The following SIPA1L1 variants were observed in gnomAD, a reference collection of about 807,000 sequenced individuals.
SIPA1L1 encodes the protein signal induced proliferation associated 1 like 1.
SIPA1L1 carries 26 observed loss-of-function variants against 162.7 expected under a neutral mutation model. The ratio of observed to expected loss-of-function variants is 0.16; its 90% CI spans 0.12 to 0.22. The LOEUF (loss-of-function observed/expected upper bound fraction) is 0.22, where lower values mean the gene tolerates loss of function less well. Ranked by LOEUF, SIPA1L1 falls within the 10% of genes least tolerant of loss-of-function variation. The probability of loss-of-function intolerance (pLI) is 1.00; values close to 1 mark genes in which losing one functional copy is unlikely to be tolerated. For missense variants in SIPA1L1, 1,874 were observed against 2,241.0 expected, an observed-to-expected ratio of 0.84 and a Z score of 3.31; for synonymous variants, 829 against 837.4, an observed-to-expected ratio of 0.99 and a Z score of 0.17.
intron 2 of SIPA1L1, among the ~76,000 whole-genome samples, chr14:71,406,013 G>A (rs1389192651): frequency 6.6e-6 from 1 of 152,186 alleles, no homozygotes; most frequent in African/African-American, 2.4e-5. Flanking sequence ...AGATTAATGA[G>A]GAATCTGGGG....
intron 7 of SIPA1L1, among the ~76,000 whole-genome samples, chr14:71,629,355 C>T (rs138631230): frequency 1.4e-3 from 208 of 152,238 alleles, no homozygotes; most frequent in Non-Finnish European, 2.5e-3. Flanking sequence ...TGTTTTATAG[C>T]TAAGAGCACT....
intron 2 of SIPA1L1, among the ~76,000 whole-genome samples, chr14:71,425,965 G>A (rs564844300): frequency 1.3e-4 from 20 of 151,888 alleles, no homozygotes; most frequent in African/African-American, 4.6e-4. Flanking sequence ...TAATGTAAGC[G>A]TTTTTGACCT....
intron 2 of SIPA1L1, among the ~76,000 whole-genome samples, chr14:71,469,614 C>G (rs912007313): frequency 1.3e-5 from 2 of 152,140 alleles, no homozygotes; most frequent in Admixed American, 1.3e-4. Flanking sequence ...GGCAAAAGAG[C>G]AAGGGTTTTA....
At chr14:71,547,682 TTC>T (rs1205015880) in intron 4 of SIPA1L1, among the ~76,000 whole-genome samples, 3 of 152,226 alleles carry the variant, frequency 2.0e-5, no homozygotes, top group African/African-American at 7.2e-5. Flanking sequence ...TTTGGGGGGC[TTC>T]TTTCCTTCCA....
intron 2 of SIPA1L1, among the ~76,000 whole-genome samples, chr14:71,345,502 T>C (rs1405154984): frequency 6.6e-6 from 1 of 152,156 alleles, no homozygotes; most frequent in Non-Finnish European, 1.5e-5. Context: ...AAAATTATTT[T>C]TCTGTATTTG....
At chr14:71,463,311 A>G (rs1452611110) in intron 2 of SIPA1L1, among the ~76,000 whole-genome samples, 2 of 152,144 alleles carry the variant, frequency 1.3e-5, no homozygotes, top group Non-Finnish European at 2.9e-5. Context: ...GCCTATGCCA[A>G]TTACGCATTC....
At chr14:71,508,830 T>C (rs1051273640) in intron 2 of SIPA1L1, among the ~76,000 whole-genome samples, 2 of 152,220 alleles carry the variant, frequency 1.3e-5, no homozygotes, top group African/African-American at 4.8e-5. Context: ...GAGTAGCGAT[T>C]GTCATAGATT....
Position 71,738,104 on chromosome 14 carries a change from C to T in SIPA1L1, c.5124-137C>T, listed in dbSNP as rs1389351628. 9 of 521,224 alleles carry T rather than the reference C, an allele frequency of 1.7e-5. 1 individual carries two copies. In the South Asian group the frequency reaches 1.8e-4, roughly 10 times the overall value. The allele number at this position is 521,224 out of a possible 1,614,324, so 32.3% of individuals were successfully genotyped here. On this transcript the variant is annotated intron_variant, in intron 22 of 23. Coordinates refer to ENST00000381232, the MANE Select transcript of SIPA1L1 (RefSeq NM_001386936.1). The stretch of plus-strand genomic sequence containing the variant: ...TTTAAAGTAAAAATACTCATTGGGT[C>T]GCCATACTGAGTAATTTGACATTGA...
intron 8 of SIPA1L1, among the ~76,000 whole-genome samples, chr14:71,654,970 C>T (rs1375540444): frequency 1.3e-5 from 2 of 151,896 alleles, no homozygotes. Context: ...GTCTTAGATT[C>T]GGGAGGACAT....
Position 71,681,277 on chromosome 14 carries a change from G to A in SIPA1L1, c.3105-4085G>A, listed in dbSNP as rs544152577. ...GTAGGTAGCCAGCATCAATAGATTA[G>A]TGACCTCTGTGACCTCTGGGTCTTC... is the stretch of plus-strand genomic sequence containing the variant. On this transcript the variant is annotated intron_variant, in intron 12 of 23. Coordinates refer to ENST00000381232, the MANE Select transcript of SIPA1L1 (RefSeq NM_001386936.1). Among the ~76,000 whole-genome samples the A allele has an allele frequency of 1.7e-3, 259 of 152,278 alleles. 3 individuals are homozygous for A. The highest frequency in any genetic ancestry group is 6.8e-3 in the Middle Eastern group (2 of 294).
chr14:71,377,641 G>A lies in SIPA1L1; in HGVS notation c.-465+56460G>A, dbSNP rs1295917509. Among the ~76,000 whole-genome samples, 1 of 152,328 alleles carries A rather than the reference G, an allele frequency of 6.6e-6. No homozygotes were observed. The highest frequency in any genetic ancestry group is 1.9e-4 in the East Asian group (1 of 5,180). ...CAAGGCAGGCGGCTGGGAGGTGGAG[G>A]TTGTAGCGAGCTGAGATCACGCCAC... On this transcript the variant is annotated intron_variant, in intron 2 of 23. Transcript: ENST00000381232. The surrounding 1 kb of genome is among the most constrained non-coding windows in gnomAD (Gnocchi z 4.8).
intron 2 of SIPA1L1, among the ~76,000 whole-genome samples, chr14:71,327,669 G>A (rs1298388171): frequency 6.6e-6 from 1 of 152,148 alleles, no homozygotes; most frequent in Non-Finnish European, 1.5e-5. Context: ...TGGGGCTGTG[G>A]CTCTGAACCA....
At chr14:71,505,069 A>G (rs2050546261) in intron 2 of SIPA1L1, among the ~76,000 whole-genome samples, 1 of 152,142 alleles carries the variant, frequency 6.6e-6, no homozygotes, top group African/African-American at 2.4e-5. Context: ...TTGCATTTTC[A>G]TTGTTTCTCT....
chr14:71,704,834 C>A, intron 15 of SIPA1L1: 1 of 1,269,130 alleles, frequency 7.9e-7, no homozygotes, highest in Non-Finnish European at 1.2e-6. Flanking sequence ...TGCATCCATG[C>A]CTGTCTAGGT....
chr14:71,437,431 G>T (rs2044475753), intron 2 of SIPA1L1, among the ~76,000 whole-genome samples: 1 of 152,162 alleles, frequency 6.6e-6, no homozygotes, highest in Admixed American at 6.5e-5. Context: ...CCAGTAGCAT[G>T]ATCTCGACTT....
intron 4 of SIPA1L1, among the ~76,000 whole-genome samples, chr14:71,546,240 T>G (rs1039396642): frequency 6.6e-6 from 1 of 152,122 alleles, no homozygotes; most frequent in Non-Finnish European, 1.5e-5. Context: ...GTTACTGCAT[T>G]ACTCCCATTT....
At chr14:71,568,836 C>T (rs1223441189) in intron 4 of SIPA1L1, among the ~76,000 whole-genome samples, 2 of 152,132 alleles carry the variant, frequency 1.3e-5, no homozygotes, top group Non-Finnish European at 2.9e-5. Context: ...AAATGTGTGT[C>T]GGAAGAATGC....
intron 14 of SIPA1L1, among the ~76,000 whole-genome samples, chr14:71,699,432 A>G (rs1320513452): frequency 6.6e-6 from 1 of 152,158 alleles, no homozygotes; most frequent in Non-Finnish European, 1.5e-5. Flanking sequence ...CTTCTTATTT[A>G]CTCCAAAGTA....
intron 7 of SIPA1L1, among the ~76,000 whole-genome samples, chr14:71,625,860 CTTTTG>C (rs1297731764): frequency 1.3e-5 from 2 of 152,248 alleles, no homozygotes; most frequent in African/African-American, 2.4e-5. Flanking sequence ...TTGCCATTTT[CTTTTG>C]TTTTAACTAT....
Sources: gnomAD v4.1 joint callset for allele counts (sites outside exome capture counted in the v4.1 genomes callset) on GRCh38, gnomAD v4.1.1 for gene constraint, Gnocchi (gnomAD v3.1) non-coding constraint, MANE v1.5 for transcripts, NCBI Gene and HGNC (gene_info 2026-07-23, HGNC 2026-07-21) for gene names.